PAK3: variants seen among roughly 807,000 people sequenced by gnomAD.
PAK3 encodes the protein p21 (RAC1) activated kinase 3.
PAK3 carries 4 observed loss-of-function variants against 41.0 expected under a neutral mutation model. The observed-to-expected ratio is 0.10, with a 90% CI of 0.05 to 0.22. The LOEUF (loss-of-function observed/expected upper bound fraction) is 0.22. Among genes scored for constraint, PAK3 ranks in the 10% least tolerant of loss-of-function variants. The pLI, the probability that PAK3 is intolerant of heterozygous loss-of-function variation, is 1.00. For synonymous variants in PAK3, 146 were observed against 139.6 expected, an observed-to-expected ratio of 1.05 and a Z score of -0.32; for missense variants, 205 against 409.9, an observed-to-expected ratio of 0.50 and a Z score of 4.32.
At chrX:111,179,722 C>G (rs909191110) in intron 11 of PAK3, among the ~76,000 whole-genome samples, 1 of 111,598 alleles carries the variant, frequency 9.0e-6, no homozygotes, top group East Asian at 2.8e-4. Context: ...GAAGCAGTCT[C>G]CTTTCTTTTT....
intron 8 of PAK3, among the ~76,000 whole-genome samples, chrX:111,156,647 T>C (rs1363737906): frequency 8.9e-6 from 1 of 112,061 alleles, no homozygotes. Flanking sequence ...CCTGAATTGA[T>C]TACAAGTTTT....
chrX:110,972,345 G>A (rs1228235257), intron 1 of PAK3, among the ~76,000 whole-genome samples: 1 of 111,576 alleles, frequency 9.0e-6, no homozygotes, highest in East Asian at 2.8e-4. Context: ...CCCCTCTGGG[G>A]AGAAGCTTCC....
At chrX:111,150,369 C>G (rs1179806610) in intron 7 of PAK3, among the ~76,000 whole-genome samples, 1 of 111,951 alleles carries the variant, frequency 8.9e-6, no homozygotes, top group Non-Finnish European at 1.9e-5. Flanking sequence ...TATTGGGTAT[C>G]TTTTTAGCAA....
At chrX:111,168,481 C>T (rs1168797071) in intron 10 of PAK3, among the ~76,000 whole-genome samples, 4 of 111,483 alleles carry the variant, frequency 3.6e-5, no homozygotes, top group African/African-American at 9.8e-5. Flanking sequence ...GTAAACAAGG[C>T]CTCTAGTATA....
chrX:110,985,533 G>A (rs1041885224), intron 1 of PAK3, among the ~76,000 whole-genome samples: 3 of 112,111 alleles, frequency 2.7e-5, no homozygotes, highest in African/African-American at 9.7e-5. Flanking sequence ...CCACTCATTG[G>A]CTCTAAGATG....
chrX:110,965,631 C>A (rs778476681), intron 1 of PAK3, among the ~76,000 whole-genome samples: 55 of 112,493 alleles, frequency 4.9e-4, no homozygotes, highest in Admixed American at 1.0e-3. Context: ...CAAGCATGAG[C>A]TTAGGCAATC....
At chrX:111,043,102 C>A (rs1215903774) in intron 1 of PAK3, among the ~76,000 whole-genome samples, 1 of 109,892 alleles carries the variant, frequency 9.1e-6, no homozygotes, top group African/African-American at 3.3e-5. Context: ...CTAGCCTGGG[C>A]AACATAGCAA....
chrX:111,138,484 G>C (rs1285926962), intron 5 of PAK3, among the ~76,000 whole-genome samples: 1 of 111,499 alleles, frequency 9.0e-6, no homozygotes, highest in African/African-American at 3.3e-5. Context: ...GAGCATGAAA[G>C]GACAGGCATT....
chrX:111,172,270 G>C (rs192116880), intron 10 of PAK3, among the ~76,000 whole-genome samples: 38 of 111,779 alleles, frequency 3.4e-4, no homozygotes, highest in Admixed American at 5.7e-4. Context: ...CATTCTGATC[G>C]GTCTGTAGTG....
chrX:111,057,956 T>C (rs2092619868), intron 1 of PAK3, among the ~76,000 whole-genome samples: 1 of 112,453 alleles, frequency 8.9e-6, no homozygotes, highest in African/African-American at 3.2e-5. Flanking sequence ...ATCTGGCTTC[T>C]TTTGCTTAGC....
At chrX:111,053,159 G>A (rs73539025) in intron 1 of PAK3, among the ~76,000 whole-genome samples, 5,158 of 111,253 alleles carry the variant, frequency 0.046, 293 homozygotes, top group African/African-American at 0.16. Context: ...GGGAACTGAG[G>A]TTATAGATAG....
intron 7 of PAK3, 64 bp downstream of exon 7, chrX:111,147,954 G>C: frequency 1.0e-6 from 1 of 959,875 alleles, no homozygotes; most frequent in East Asian, 3.1e-5. Flanking sequence ...GTCATGTTGA[G>C]AACAAAATGT....
rs975448436 is a variant in PAK3, at chrX:110,961,740, C to T, written c.-28+17112C>T. Among the ~76,000 whole-genome samples the T allele has an allele frequency of 5.3e-5, 6 of 112,385 alleles. No individual in the cohort carries two copies. The Admixed American group carries it at 5.6e-4, about 11-fold the overall frequency. ...GAGTCTTTAACCAATCCCATTCTCTCACCTTCCATTCACTTTTTTAGTCCC... is the reference window on the plus strand; with the variant it reads ...GAGTCTTTAACCAATCCCATTCTCTTACCTTCCATTCACTTTTTTAGTCCC... On this transcript the variant is annotated intron_variant, in intron 1 of 14. Coordinates refer to the PAK3 transcript ENST00000425146.
chrX:110,946,153 G>A (rs972497658), intron 1 of PAK3, among the ~76,000 whole-genome samples: 7 of 111,220 alleles, frequency 6.3e-5, no homozygotes, highest in Admixed American at 1.9e-4. Flanking sequence ...CTTCATGGGC[G>A]AGGTGACATT....
intron 1 of PAK3, among the ~76,000 whole-genome samples, chrX:110,987,665 A>G (rs948528399): frequency 1.1e-4 from 12 of 111,079 alleles, no homozygotes; most frequent in African/African-American, 3.9e-4. Flanking sequence ...AACAGTAAAA[A>G]CCTGATATTA....
intron 10 of PAK3, among the ~76,000 whole-genome samples, chrX:111,168,496 C>T (rs1261380000): frequency 9.0e-6 from 1 of 111,552 alleles, no homozygotes; most frequent in Non-Finnish European, 1.9e-5. Context: ...AGTATACTTG[C>T]CTAACATCAG....
At chrX:111,063,512 C>A (rs1283622133) in intron 1 of PAK3, among the ~76,000 whole-genome samples, 1 of 111,528 alleles carries the variant, frequency 9.0e-6, no homozygotes, top group Non-Finnish European at 1.9e-5. Flanking sequence ...CTAAAGAGAA[C>A]AAAGATTCCC....
At chrX:111,016,350 C>T (rs371201266) in intron 1 of PAK3, among the ~76,000 whole-genome samples, 12 of 111,430 alleles carry the variant, frequency 1.1e-4, no homozygotes, top group Admixed American at 1.9e-4. Flanking sequence ...GCCTGACATA[C>T]GGAAAGGTCC....
intron 16 of PAK3, among the ~76,000 whole-genome samples, chrX:111,207,763 GTGTT>G (rs1240041972): frequency 8.9e-6 from 1 of 111,829 alleles, no homozygotes; most frequent in South Asian, 3.8e-4. Flanking sequence ...CTAGGCTAAT[GTGTT>G]TGTTTGTTTC....
Sources: allele counts gnomAD v4.1 joint callset (sites outside exome capture counted in the v4.1 genomes callset), GRCh38; gene constraint gnomAD v4.1.1; transcripts MANE v1.5; gene names NCBI Gene and HGNC (gene_info 2026-07-23, HGNC 2026-07-21).